NELFCD: variants seen among roughly 807,000 people sequenced by gnomAD.
NELFCD encodes the protein negative elongation factor C/D.
Under a neutral mutation model 72.9 loss-of-function variants are expected in NELFCD, and 48 were observed. The ratio of observed to expected loss-of-function variants is 0.66; its 90% CI spans 0.52 to 0.84. The LOEUF (loss-of-function observed/expected upper bound fraction) is 0.84. Among genes scored for constraint, NELFCD ranks in the 40% least tolerant of loss-of-function variants. NELFCD has a pLI of 0.00. For synonymous variants in NELFCD, 297 were observed against 280.6 expected (o/e 1.06, Z -0.59); for missense variants, 538 against 723.8 (o/e 0.74, Z 2.94).
intron 7 of NELFCD, 54 bp from the exon 8 acceptor site, chr20:58,990,856 C>G: frequency 1.3e-6 from 2 of 1,495,688 alleles, no homozygotes; most frequent in South Asian, 1.2e-5. Flanking sequence ...TAAAAAAGAA[C>G]AGAAAAAAGA....
rs572620300 is a variant in NELFCD at position 58,987,937 on chromosome 20, T to C, written c.396+120T>C. 6.8e-6 allele frequency: 5 copies of C among 735,544 alleles called. No individual in the cohort carries two copies. The African/African-American group carries it at 7.1e-5, about 10-fold the overall frequency. 45.6% of individuals were successfully genotyped at this position (735,544 alleles called of 1,614,324 possible). A position where few individuals can be genotyped will look rare whatever the true frequency, so the allele number is the denominator to read the frequency against. ...GCAGAGTTGAGGACTAAAATCAGAG[T>C]GTGAGACAGAAGTTGCATCTAGTCA... On this transcript the variant is annotated intron_variant, in intron 4 of 14. Transcript: ENST00000652272.
Position 58,994,640 on chromosome 20 carries a change from A to G in NELFCD, c.1712-2A>G. ...ACACAGTCACTGTTTTCCTCGTTAAAGCTCACTGCAAATCTAACTTCATCA... is the reference window on the plus strand; with the variant it reads ...ACACAGTCACTGTTTTCCTCGTTAAGGCTCACTGCAAATCTAACTTCATCA... On this transcript the variant is annotated splice_acceptor_variant, in intron 14 of 14. Coordinates refer to ENST00000652272, the MANE Select transcript of NELFCD (RefSeq NM_198976.4). LOFTEE classifies it high-confidence loss of function. The G allele has an allele frequency of 6.2e-7, 1 of 1,608,480 alleles. No individual in the cohort carries two copies. Among genetic ancestry groups the G allele is most frequent in the Non-Finnish European group, 8.5e-7 (1 of 1,175,040 alleles).
intron 1 of NELFCD, among the ~76,000 whole-genome samples, chr20:58,984,921 C>T (rs147831472): frequency 2.6e-5 from 4 of 152,304 alleles, no homozygotes; most frequent in African/African-American, 4.8e-5. Flanking sequence ...AGGGGCTCAG[C>T]GTTCCCCATG....
chr20:58,993,120 G>C lies in NELFCD; in HGVS notation c.1344+8G>C. 6.2e-7 allele frequency: 1 copy of C among 1,600,460 alleles called. No homozygotes were observed. The highest frequency in any genetic ancestry group is 1.7e-4 in the Middle Eastern group (1 of 6,034). ...CTGGCGTTGCTGGATGAGGTAAGAG[G>C]GCGGAGAGCTGTTCACAGCCTACAC... On this transcript the variant is annotated splice_region_variant and intron_variant, in intron 11 of 14. Coordinates refer to ENST00000652272, the MANE Select transcript of NELFCD (RefSeq NM_198976.4). The surrounding 1 kb of genome is among the most constrained non-coding windows in gnomAD (Gnocchi z 5.0).
chr20:58,992,135 A>AT (rs1416442913), intron 10 of NELFCD, 115 bp downstream of exon 10: 10 of 1,136,400 alleles, frequency 8.8e-6, no homozygotes, highest in African/African-American at 3.1e-5. Flanking sequence ...CATTTTATTT[A>AT]TTTTTTCATT....
In NELFCD at chr20:58,993,898, G is replaced by A. The variant is rs533275492; in HGVS notation, c.1581+134G>A. 2.2e-5 allele frequency: 27 copies of A among 1,212,392 alleles called. No homozygotes were observed. The highest frequency in any genetic ancestry group is 1.9e-4 in the East Asian group (8 of 42,750). 75.1% of individuals were successfully genotyped at this position (1,212,392 alleles called of 1,614,324 possible). ...GTAGTGATGACAATGACAGATACTC[G>A]TTTACCAAAAAGCACCTTCTGCCTG... On this transcript the variant is annotated intron_variant, in intron 13 of 14. Coordinates refer to ENST00000652272, the MANE Select transcript of NELFCD (RefSeq NM_198976.4). This position sits in a 1 kb window ranked among gnomAD's most constrained non-coding sequence, Gnocchi z 5.0.
In NELFCD at chr20:58,994,784, C is replaced by A; in HGVS notation, c.*108C>A. ...TCGGGCAGCGTCTTGAAAATGGGCA[C>A]CGCTGGGAGGAGGTGGATGACTTCT... On this transcript the variant is annotated 3_prime_UTR_variant, in exon 15 of 15. Transcript: ENST00000652272. 1.1e-6 allele frequency: 1 copy of A among 878,546 alleles called. No individual in the cohort carries two copies. The highest frequency in any genetic ancestry group is 1.9e-6 in the Non-Finnish European group (1 of 530,592). The allele number at this position is 878,546 out of a possible 1,614,324, so 54.4% of individuals were successfully genotyped here.
chr20:58,991,550 T>G (rs1032866804), intron 9 of NELFCD, 104 bp downstream of exon 9: 1 of 1,304,166 alleles, frequency 7.7e-7, no homozygotes, highest in African/African-American at 1.5e-5. Flanking sequence ...TGACCCTCCC[T>G]AGTATCAGGC....
At chr20:58,983,532 T>G (rs2091752239) in intron 1 of NELFCD, among the ~76,000 whole-genome samples, 1 of 150,232 alleles carries the variant, frequency 6.7e-6, no homozygotes, top group South Asian at 2.2e-4. Context: ...CTCCACCTCC[T>G]GGGTTCAAGT....
chr20:58,989,809 C>G, intron 6 of NELFCD, 49 bp from the exon 7 acceptor site: 1 of 1,612,996 alleles, frequency 6.2e-7, no homozygotes, highest in Non-Finnish European at 8.5e-7. Flanking sequence ...GTCCGCCCGT[C>G]TGTGCTACAG....
chr20:58,994,962 C>G lies in NELFCD; in HGVS notation c.*286C>G, dbSNP rs1043938834. ...GCTCCCACGACCCCTCAGGACAGAT[C>G]TGGCCGTCAGCCGCGGGCCGCTGGG... On this transcript the variant is annotated 3_prime_UTR_variant, in exon 15 of 15. Coordinates refer to ENST00000652272, the MANE Select transcript of NELFCD (RefSeq NM_198976.4). 2.7e-6 allele frequency: 1 copy of G among 375,238 alleles called. No homozygotes were observed. The highest frequency in any genetic ancestry group is 4.8e-6 in the Non-Finnish European group (1 of 209,782). 23.2% of individuals were successfully genotyped at this position (375,238 alleles called of 1,614,324 possible).
Position 58,986,690 on chromosome 20 carries a change from C to CTTACCTTCCTGTTGTCCATCA in NELFCD, c.177-61_177-41dup. The stretch of plus-strand genomic sequence containing the variant: ...TGAAACCTGATTCTCTTCCTCCTTC[C>CTTACCTTCCTGTTGTCCATCA]TTACCTTCCTGTTGTCCATCATTCC... On this transcript the variant is annotated intron_variant, in intron 2 of 14. Coordinates refer to ENST00000652272, the MANE Select transcript of NELFCD (RefSeq NM_198976.4). The surrounding 1 kb of genome is among the most constrained non-coding windows in gnomAD (Gnocchi z 4.4). The CTTACCTTCCTGTTGTCCATCA allele has an allele frequency of 3.5e-6, 4 of 1,137,868 alleles. No individual in the cohort carries two copies. Among genetic ancestry groups the CTTACCTTCCTGTTGTCCATCA allele is most frequent in the South Asian group, 2.5e-5 (2 of 81,264 alleles). The allele number at this position is 1,137,868 out of a possible 1,614,324, so 70.5% of individuals were successfully genotyped here. A position where few individuals can be genotyped will look rare whatever the true frequency, so the allele number is the denominator to read the frequency against.
intron 5 of NELFCD, 95 bp from the exon 6 acceptor site, chr20:58,989,393 C>G (rs12479566): frequency 1.4e-6 from 2 of 1,455,734 alleles, no homozygotes; most frequent in African/African-American, 2.8e-5. Flanking sequence ...CCAGCGCACA[C>G]TTACTCCACC....
In NELFCD at chr20:58,986,459, A is replaced by T. The variant is rs1048867169; in HGVS notation, c.176+251A>T. 1.3e-5 allele frequency: 7 copies of T among 555,860 alleles called. No homozygotes were observed. Among genetic ancestry groups the T allele is most frequent in the Non-Finnish European group, 2.2e-5 (7 of 318,240 alleles). The allele number at this position is 555,860 out of a possible 1,614,324, so 34.4% of individuals were successfully genotyped here. A position where few individuals can be genotyped will look rare whatever the true frequency, so the allele number is the denominator to read the frequency against. On this transcript the variant is annotated intron_variant, in intron 2 of 14. Coordinates refer to ENST00000652272, the MANE Select transcript of NELFCD (RefSeq NM_198976.4). The surrounding 1 kb of genome is among the most constrained non-coding windows in gnomAD (Gnocchi z 4.4). Reference sequence around the variant, plus strand: ...TGGAATCAAGCAGTTCTCCCACCTCAGCCTTGCAAGGTGGCCACCACAGGC... The same window carrying T: ...TGGAATCAAGCAGTTCTCCCACCTCTGCCTTGCAAGGTGGCCACCACAGGC...
At chr20:58,985,884 G>C (rs2091768266) in intron 1 of NELFCD, among the ~76,000 whole-genome samples, 1 of 152,098 alleles carries the variant, frequency 6.6e-6, no homozygotes, top group Non-Finnish European at 1.5e-5. Context: ...CCAGGGAGGA[G>C]TTGTACACAC....
chr20:58,986,750 C>G lies in NELFCD; in HGVS notation c.177-4C>G, dbSNP rs1429250824. ...GGTGTAATTGCTGTTGTTACTTTCC[C>G]TAGGTATTTTCAGGCAGGAGGGTCT... On this transcript the variant is annotated splice_region_variant and splice_polypyrimidine_tract_variant and intron_variant, in intron 2 of 14. Transcript: ENST00000652272. The surrounding 1 kb of genome is among the most constrained non-coding windows in gnomAD (Gnocchi z 4.4). The G allele has an allele frequency of 1.3e-6, 2 of 1,575,634 alleles. No individual in the cohort carries two copies. The highest frequency in any genetic ancestry group is 1.7e-6 in the Non-Finnish European group (2 of 1,144,962).
At chr20:58,989,313 G>A in intron 5 of NELFCD, 175 bp from the exon 6 acceptor site, 4 of 739,198 alleles carry the variant, frequency 5.4e-6, no homozygotes, top group Non-Finnish European at 9.0e-6. Context: ...ACGATGGAGA[G>A]GTGGTCAGCC....
chr20:58,986,776 C>T lies in NELFCD; in HGVS notation c.199C>T (p.Pro67Ser). The change falls in exon 3 of 15, where the codon CCA (proline) becomes TCA (serine). Residue 67 changes from proline to serine, a missense_variant. Coordinates refer to ENST00000652272, the MANE Select transcript of NELFCD (RefSeq NM_198976.4). This position sits in a 1 kb window ranked among gnomAD's most constrained non-coding sequence, Gnocchi z 4.4. ...LKRYFQAGGSPENVIQLLSEN... is the reference protein window; with the variant it reads ...LKRYFQAGGSSENVIQLLSEN... ...TAGGTATTTTCAGGCAGGAGGGTCT[C>T]CAGAGAATGTTATCCAGCTCTTATC... 6.2e-7 allele frequency: 1 copy of T among 1,613,594 alleles called. No individual in the cohort carries two copies. Among genetic ancestry groups the T allele is most frequent in the Non-Finnish European group, 8.5e-7 (1 of 1,179,526 alleles).
chr20:58,992,858 A>AAG (rs2091827569), intron 10 of NELFCD, 140 bp from the exon 11 acceptor site: 1 of 615,832 alleles, frequency 1.6e-6, no homozygotes, highest in East Asian at 2.8e-5. Context: ...CAAAAAAAAA[A>AAG]AAAAAAAAGG....
Sources: allele counts gnomAD v4.1 joint callset (sites outside exome capture counted in the v4.1 genomes callset), GRCh38; gene constraint gnomAD v4.1.1; non-coding constraint Gnocchi (gnomAD v3.1); transcripts MANE v1.5; gene names NCBI Gene and HGNC (gene_info 2026-07-23, HGNC 2026-07-21).